GPC6: variants seen among roughly 807,000 people sequenced by gnomAD.
GPC6 encodes the protein glypican 6.
GPC6 carries 14 observed loss-of-function variants against 55.2 expected under a neutral mutation model. The ratio of observed to expected loss-of-function variants is 0.25; its 90% CI spans 0.17 to 0.40. The LOEUF (loss-of-function observed/expected upper bound fraction) is 0.40. Among genes scored for constraint, GPC6 ranks in the 10% least tolerant of loss-of-function variants. The probability of loss-of-function intolerance (pLI) is 1.00; values close to 1 mark genes in which losing one functional copy is unlikely to be tolerated. For missense variants in GPC6, 641 were observed against 708.5 expected (o/e 0.90, Z 1.08); for synonymous variants, 278 against 259.6 (o/e 1.07, Z -0.68).
chr13:94,284,456 G>T (rs947700585), intron 4 of GPC6, among the ~76,000 whole-genome samples: 21 of 149,828 alleles, frequency 1.4e-4, no homozygotes, highest in African/African-American at 2.4e-4. Context: ...ATACATGTAT[G>T]TTTTTTTTTT....
chr13:93,969,859 T>C (rs1880207503), intron 3 of GPC6, among the ~76,000 whole-genome samples: 1 of 152,160 alleles, frequency 6.6e-6, no homozygotes, highest in Non-Finnish European at 1.5e-5. Context: ...TCACTTAACA[T>C]AATGGCCTCC....
At chr13:93,396,107 C>T (rs1014133806) in intron 1 of GPC6, among the ~76,000 whole-genome samples, 5 of 151,974 alleles carry the variant, frequency 3.3e-5, no homozygotes, top group Non-Finnish European at 7.4e-5. Context: ...GCTCCCATCC[C>T]GAACTAAACA....
intron 4 of GPC6, among the ~76,000 whole-genome samples, chr13:94,270,514 G>A (rs1161098742): frequency 6.6e-6 from 1 of 152,184 alleles, no homozygotes; most frequent in Non-Finnish European, 1.5e-5. Flanking sequence ...GTGCCTATTA[G>A]AGTTAACATC....
At chr13:94,279,376 C>CA (rs58007143) in intron 4 of GPC6, among the ~76,000 whole-genome samples, 3,301 of 138,708 alleles carry the variant, frequency 0.024, 100 homozygotes, top group African/African-American at 0.066. Context: ...TGATCTTTTT[C>CA]AAAAAAAAAA....
chr13:93,754,693 T>G (rs1884710106), intron 2 of GPC6, among the ~76,000 whole-genome samples: 1 of 144,814 alleles, frequency 6.9e-6, no homozygotes, highest in African/African-American at 2.5e-5. Context: ...ATAGAGCCAA[T>G]TTTTTATTTA....
At chr13:94,276,667 C>T (rs1205201844) in intron 4 of GPC6, among the ~76,000 whole-genome samples, 3 of 152,044 alleles carry the variant, frequency 2.0e-5, no homozygotes, top group Non-Finnish European at 2.9e-5. Flanking sequence ...TCAACTCCCA[C>T]CTATGAGTGA....
chr13:94,165,488 CAG>C (rs1279661694), intron 4 of GPC6, among the ~76,000 whole-genome samples: 8 of 151,750 alleles, frequency 5.3e-5, no homozygotes, highest in African/African-American at 1.5e-4. Flanking sequence ...TTTGGGGACT[CAG>C]GGGAAATGGT....
At chr13:93,261,098 T>G (rs1028444637) in intron 1 of GPC6, among the ~76,000 whole-genome samples, 1 of 152,170 alleles carries the variant, frequency 6.6e-6, no homozygotes, top group African/African-American at 2.4e-5. Flanking sequence ...CCTAGAGATA[T>G]TACCATGTCT....
chr13:93,217,369 C>G, the GPC6 span, among the ~76,000 whole-genome samples: 1 of 152,146 alleles, frequency 6.6e-6, no homozygotes, highest in Non-Finnish European at 1.5e-5. Flanking sequence ...ATTTCTTGGG[C>G]AAATATCTAA....
At chr13:93,515,038 G>A (rs1040560647) in intron 1 of GPC6, among the ~76,000 whole-genome samples, 20 of 152,114 alleles carry the variant, frequency 1.3e-4, no homozygotes, top group Admixed American at 1.3e-3. Flanking sequence ...TGAGGGTGGA[G>A]GCTCATGGTA....
chr13:93,959,525 T>A (rs1933146), intron 3 of GPC6, among the ~76,000 whole-genome samples: 30,667 of 152,164 alleles, frequency 0.2, 3,319 homozygotes, highest in East Asian at 0.39. Flanking sequence ...TCTACTACTA[T>A]GTCGAACAGA....
chr13:94,275,637 G>A, intron 4 of GPC6, among the ~76,000 whole-genome samples: 1 of 151,218 alleles, frequency 6.6e-6, no homozygotes, highest in Non-Finnish European at 1.5e-5. Flanking sequence ...TGAATGAAGA[G>A]AAAAGATAAA....
chr13:93,222,786 A>G (rs1875657102), upstream of GPC6, among the ~76,000 whole-genome samples: 2 of 152,204 alleles, frequency 1.3e-5, no homozygotes, highest in Admixed American at 6.5e-5. Context: ...CCAACTAACA[A>G]TGGTGTAAAC....
intron 1 of GPC6, among the ~76,000 whole-genome samples, chr13:93,542,739 C>T (rs12559923): frequency 0.035 from 5,382 of 152,216 alleles, 155 homozygotes; most frequent in Middle Eastern, 0.058. Context: ...AGGTCCATCA[C>T]GTCCCTTGTA....
At chr13:93,393,145 G>T (rs1457331264) in intron 1 of GPC6, among the ~76,000 whole-genome samples, 4 of 149,390 alleles carry the variant, frequency 2.7e-5, no homozygotes, top group Non-Finnish European at 5.9e-5. Flanking sequence ...GAGAGAGAGA[G>T]AGAGAGAGAG....
chr13:94,020,701 A>T (rs1433504218), intron 3 of GPC6, among the ~76,000 whole-genome samples: 1 of 152,028 alleles, frequency 6.6e-6, no homozygotes, highest in East Asian at 1.9e-4. Context: ...TTTACATTGC[A>T]TTTCCCCAAG....
intron 1 of GPC6, among the ~76,000 whole-genome samples, chr13:93,374,950 T>A (rs1874823927): frequency 6.6e-6 from 1 of 152,194 alleles, no homozygotes; most frequent in African/African-American, 2.4e-5. Flanking sequence ...TCTTTGATTT[T>A]ATCTCTAATC....
chr13:94,188,511 C>G (rs1184724655), intron 4 of GPC6, among the ~76,000 whole-genome samples: 1 of 152,104 alleles, frequency 6.6e-6, no homozygotes, highest in Non-Finnish European at 1.5e-5. Context: ...CTTCTTTGAA[C>G]TAAAGTTGAA....
At chr13:93,834,788 C>G (rs961729611) in intron 3 of GPC6, among the ~76,000 whole-genome samples, 2 of 152,088 alleles carry the variant, frequency 1.3e-5, no homozygotes, top group Non-Finnish European at 2.9e-5. Flanking sequence ...AGTCAGTTTC[C>G]ATGTTCCATA....
Sources: allele counts gnomAD v4.1 joint callset (sites outside exome capture counted in the v4.1 genomes callset), GRCh38; gene constraint gnomAD v4.1.1; transcripts MANE v1.5; gene names NCBI Gene and HGNC (gene_info 2026-07-23, HGNC 2026-07-21).